The following TJP3 variants were observed in gnomAD, a reference collection of about 807,000 sequenced individuals.
The protein encoded by TJP3 is tight junction protein 3, also known as tight junction protein ZO-3.
In TJP3, 85 loss-of-function variants were observed where a neutral mutation model predicts 104.2. The ratio of observed to expected loss-of-function variants is 0.82; its 90% CI spans 0.68 to 0.98. The LOEUF (loss-of-function observed/expected upper bound fraction) is 0.98. Ranked by LOEUF, TJP3 falls within the 50% of genes least tolerant of loss-of-function variation. The probability of loss-of-function intolerance (pLI) is 0.00; values close to 1 mark genes in which losing one functional copy is unlikely to be tolerated. For missense variants in TJP3, 1,367 were observed against 1,322.8 expected (o/e 1.03, Z -0.52); for synonymous variants, 550 against 550.6 (o/e 1.00, Z 0.02).
intron 18 of TJP3, 105 bp from the exon 19 acceptor site, chr19:3,747,689 C>T (rs2036918007): frequency 1.5e-6 from 2 of 1,367,440 alleles, no homozygotes; most frequent in Non-Finnish European, 1.9e-6. Flanking sequence ...AGGCTCCAGG[C>T]TCCTCGCCTT....
chr19:3,743,508 T>C (rs1056683232), intron 14 of TJP3, among the ~76,000 whole-genome samples: 1 of 152,208 alleles, frequency 6.6e-6, no homozygotes, highest in South Asian at 2.1e-4. Flanking sequence ...AAGGTAGCCA[T>C]AGACAGGACA....
intron 1 of TJP3, among the ~76,000 whole-genome samples, chr19:3,712,757 C>G (rs1027200766): frequency 6.6e-6 from 1 of 151,712 alleles, no homozygotes; most frequent in Admixed American, 6.6e-5. Flanking sequence ...AAGACAGGTC[C>G]GGGCAACATA....
chr19:3,747,778 C>A lies in TJP3; in HGVS notation c.2323-16C>A, dbSNP rs773459249. 1.3e-6 allele frequency: 2 copies of A among 1,560,394 alleles called. No individual in the cohort carries two copies. Among genetic ancestry groups the A allele is most frequent in the East Asian group, 2.3e-5 (1 of 43,608 alleles). On this transcript the variant is annotated splice_polypyrimidine_tract_variant and intron_variant, in intron 18 of 20. Transcript: ENST00000541714. ...CCTGGCCAGGGCCAGCCGCAGCATC[C>A]ACACCCACCCCACAGCTGGATGGCT...
At position 3,717,453 on chromosome 19, in the gene TJP3, G is replaced by A. The variant is rs2036490589; in HGVS notation, c.-10+8892G>A. ...TAATTTTATTTTTTTTTGAAACATA[G>A]TGTTGTGCTGTCTGCCCTGTCACCC... On this transcript the variant is annotated intron_variant, in intron 1 of 20. Transcript: ENST00000541714. Among the ~76,000 whole-genome samples, 4 of 148,724 alleles carry A rather than the reference G, an allele frequency of 2.7e-5. No individual in the cohort carries two copies. In the South Asian group the frequency reaches 8.5e-4, roughly 32 times the overall value.
intron 1 of TJP3, among the ~76,000 whole-genome samples, chr19:3,713,715 T>A (rs1284046287): frequency 1.3e-5 from 2 of 152,020 alleles, no homozygotes; most frequent in Non-Finnish European, 2.9e-5. Context: ...TATTATTATT[T>A]ATTTATTTCT....
intron 15 of TJP3, among the ~76,000 whole-genome samples, chr19:3,744,866 T>G (rs1281068991): frequency 6.6e-6 from 1 of 152,000 alleles, no homozygotes; most frequent in East Asian, 1.9e-4. Flanking sequence ...AGGCGGAGGG[T>G]GCAGTGAGCA....
Position 3,730,335 on chromosome 19 carries a change from C to G in TJP3, c.262-20C>G. On this transcript the variant is annotated intron_variant, in intron 4 of 20. Transcript: ENST00000541714. This position sits in a 1 kb window ranked among gnomAD's most constrained non-coding sequence, Gnocchi z 7.3. ...CAGCCCTTGCCTGTAGCTGACCCTTCCTGTCCCCTCCTCTAACAGACAGTG... is the reference window on the plus strand; with the variant it reads ...CAGCCCTTGCCTGTAGCTGACCCTTGCTGTCCCCTCCTCTAACAGACAGTG... The G allele has an allele frequency of 1.3e-6, 2 of 1,501,924 alleles. No homozygotes were observed. The highest frequency in any genetic ancestry group is 2.3e-5 in the Admixed American group (1 of 44,392). 93.0% of individuals were successfully genotyped at this position (1,501,924 alleles called of 1,614,324 possible).
intron 1 of TJP3, among the ~76,000 whole-genome samples, chr19:3,711,808 T>C (rs1430465225): frequency 6.6e-6 from 1 of 151,436 alleles, no homozygotes; most frequent in African/African-American, 2.4e-5. Context: ...TAAGACTTTA[T>C]AGCCTATACA....
intron 1 of TJP3, among the ~76,000 whole-genome samples, chr19:3,714,885 G>A (rs144117264): frequency 1.3e-5 from 2 of 152,156 alleles, no homozygotes; most frequent in Non-Finnish European, 1.5e-5. Flanking sequence ...GGCCCTGAAC[G>A]CTGGTTCCCA....
At chr19:3,721,864 A>T in intron 1 of TJP3, 2 of 1,175,750 alleles carry the variant, frequency 1.7e-6, no homozygotes, top group Non-Finnish European at 2.1e-6. Context: ...CCCCTCGGGT[A>T]GGGGGGCTGG....
In TJP3 at chr19:3,736,209, G is replaced by C. The variant is rs776616618; in HGVS notation, c.1172G>C (p.Ser391Thr). 5.0e-6 allele frequency: 8 copies of C among 1,597,480 alleles called. No homozygotes were observed. Among genetic ancestry groups the C allele is most frequent in the Non-Finnish European group, 6.8e-6 (8 of 1,171,894 alleles). Residue 391 changes from serine (S) to threonine (T), a missense_variant, in exon 11 of 21, where the codon AGC becomes ACC. Transcript: ENST00000541714. ...TRVVRFLKGK[S>T]IGLRLAGGND... ...GTGGTCCGCTTCCTCAAGGGCAAGA[G>C]CATCGGGCTGCGGCTGGCAGGGGGC...
intron 1 of TJP3, among the ~76,000 whole-genome samples, chr19:3,722,856 C>CG (rs57421122): frequency 0.036 from 408 of 11,260 alleles, 41 homozygotes; most frequent in Non-Finnish European, 0.072. Flanking sequence ...GATGGGGTGG[C>CG]GGGGGGGGGG....
intron 19 of TJP3, among the ~76,000 whole-genome samples, chr19:3,748,944 G>A (rs538350379): frequency 1.0e-3 from 143 of 137,814 alleles, no homozygotes; most frequent in African/African-American, 3.8e-3. Flanking sequence ...CTGCAACCTC[G>A]GCCTCCTGTG....
intron 14 of TJP3, among the ~76,000 whole-genome samples, chr19:3,741,356 G>A (rs867219662): frequency 5.3e-5 from 8 of 152,136 alleles, no homozygotes; most frequent in East Asian, 1.9e-4. Flanking sequence ...TATAGTCCCC[G>A]CTGCTTGGGA....
At chr19:3,718,831 C>G (rs758185280) in intron 1 of TJP3, among the ~76,000 whole-genome samples, 1 of 152,030 alleles carries the variant, frequency 6.6e-6, no homozygotes, top group Non-Finnish European at 1.5e-5. Context: ...GTGTGCGGGC[C>G]GGTAGGGAAT....
chr19:3,730,287 C>A lies in TJP3; in HGVS notation c.262-68C>A. The A allele has an allele frequency of 6.7e-7, 1 of 1,493,284 alleles. No homozygotes were observed. The highest frequency in any genetic ancestry group is 9.0e-7 in the Non-Finnish European group (1 of 1,108,428). 92.5% of individuals were successfully genotyped at this position (1,493,284 alleles called of 1,614,324 possible). A position where few individuals can be genotyped will look rare whatever the true frequency, so the allele number is the denominator to read the frequency against. ...GAGACTGGTGTCCCCCAGGGCCACC[C>A]GGGGGCTGAGCAGAGCCTCCCCCAG... is the stretch of plus-strand genomic sequence containing the variant. On this transcript the variant is annotated intron_variant, in intron 4 of 20. Transcript: ENST00000541714. The surrounding 1 kb of genome is among the most constrained non-coding windows in gnomAD (Gnocchi z 7.3).
chr19:3,747,531 TAA>T (rs1436261518), intron 18 of TJP3, among the ~76,000 whole-genome samples: 1 of 152,044 alleles, frequency 6.6e-6, no homozygotes, highest in Non-Finnish European at 1.5e-5. Flanking sequence ...CTCCTTCTCA[TAA>T]AAAAGAGAGA....
intron 18 of TJP3, 24 bp from the exon 19 acceptor site, chr19:3,747,770 G>A (rs761954827): frequency 6.2e-5 from 95 of 1,538,006 alleles, no homozygotes; most frequent in Middle Eastern, 4.7e-4. Context: ...AGGGCCAGCC[G>A]CAGCATCCAC....
intron 11 of TJP3, among the ~76,000 whole-genome samples, chr19:3,738,284 T>C (rs962240957): frequency 6.6e-6 from 1 of 152,226 alleles, no homozygotes; most frequent in African/African-American, 2.4e-5. Flanking sequence ...CAACCCACCA[T>C]GATTTGGTTA....
Sources: allele counts gnomAD v4.1 joint callset (sites outside exome capture counted in the v4.1 genomes callset), GRCh38; gene constraint gnomAD v4.1.1; non-coding constraint Gnocchi (gnomAD v3.1); transcripts MANE v1.5; gene names NCBI Gene and HGNC (gene_info 2026-07-23, HGNC 2026-07-21).